The following POPDC1 variants were observed in gnomAD, a reference collection of about 807,000 sequenced individuals.
POPDC1 encodes popeye domain cAMP effector 1, also known as popeye domain-containing protein 1.
the POPDC1 span, chr6:105,133,262 C>T: frequency 4.3e-6 from 5 of 1,154,650 alleles, no homozygotes; most frequent in Non-Finnish European, 6.1e-6. Flanking sequence ...TGCTATGGGC[C>T]TGACAAAGAA....
the POPDC1 span, among the ~76,000 whole-genome samples, chr6:105,134,526 G>T: frequency 6.6e-6 from 1 of 151,986 alleles, no homozygotes; most frequent in Non-Finnish European, 1.5e-5. Flanking sequence ...TCCAAATGGG[G>T]ACCCTAAATA....
At chr6:105,126,659 A>T in the POPDC1 span, among the ~76,000 whole-genome samples, 1 of 152,238 alleles carries the variant, frequency 6.6e-6, no homozygotes, top group South Asian at 2.1e-4. Context: ...CTAACTTTTA[A>T]ATATGGCAGC....
the POPDC1 span, among the ~76,000 whole-genome samples, chr6:105,115,235 T>C: frequency 4.6e-5 from 7 of 152,132 alleles, no homozygotes; most frequent in Non-Finnish European, 8.8e-5. Context: ...TACAGGCGCC[T>C]GCCACCAAGC....
the POPDC1 span, among the ~76,000 whole-genome samples, chr6:105,134,970 C>A: frequency 2.0e-5 from 3 of 152,120 alleles, no homozygotes; most frequent in Non-Finnish European, 2.9e-5. Context: ...ACAAAATTTG[C>A]TTTTCAAGGC....
the POPDC1 span, chr6:105,116,692 A>G: frequency 6.4e-7 from 1 of 1,562,516 alleles, no homozygotes; most frequent in South Asian, 1.2e-5. Context: ...AAACTCAGAG[A>G]ACACTTACTT....
chr6:105,134,007 C>T, the POPDC1 span, among the ~76,000 whole-genome samples: 1 of 151,926 alleles, frequency 6.6e-6, no homozygotes, highest in African/African-American at 2.4e-5. Context: ...GTGACTGAAT[C>T]CAAACACAGG....
the POPDC1 span, among the ~76,000 whole-genome samples, chr6:105,121,984 A>C: frequency 1.3e-5 from 2 of 152,212 alleles, no homozygotes; most frequent in Non-Finnish European, 2.9e-5. Flanking sequence ...GCTGATGATC[A>C]AGCGTCCTCT....
At chr6:105,109,870 G>T in the POPDC1 span, among the ~76,000 whole-genome samples, 1 of 151,524 alleles carries the variant, frequency 6.6e-6, no homozygotes, top group African/African-American at 2.4e-5. Context: ...TTGGGAGCAG[G>T]ACTAAAATTA....
At chr6:105,105,752 T>C in the POPDC1 span, among the ~76,000 whole-genome samples, 2 of 152,104 alleles carry the variant, frequency 1.3e-5, no homozygotes, top group African/African-American at 2.4e-5. Flanking sequence ...TAATTTTACG[T>C]ACTGATAGAT....
chr6:105,107,121 C>T, the POPDC1 span, among the ~76,000 whole-genome samples: 24 of 152,102 alleles, frequency 1.6e-4, no homozygotes, highest in Non-Finnish European at 2.6e-4. Flanking sequence ...TTACCCTTTC[C>T]AGCCTCTGAT....
At chr6:105,106,579 G>A in the POPDC1 span, among the ~76,000 whole-genome samples, 1 of 152,364 alleles carries the variant, frequency 6.6e-6, no homozygotes, top group South Asian at 2.1e-4. Context: ...GGCCAGCAGA[G>A]TCTCTCCTGG....
the POPDC1 span, among the ~76,000 whole-genome samples, chr6:105,134,607 G>A: frequency 6.6e-6 from 1 of 152,066 alleles, no homozygotes; most frequent in Non-Finnish European, 1.5e-5. Flanking sequence ...TCTACTGCTT[G>A]TTCTTAACAT....
the POPDC1 span, among the ~76,000 whole-genome samples, chr6:105,118,655 G>A: frequency 6.6e-6 from 1 of 152,144 alleles, no homozygotes; most frequent in African/African-American, 2.4e-5. Flanking sequence ...GACAACTATA[G>A]AACAGGGGAA....
At chr6:105,114,371 G>A in the POPDC1 span, among the ~76,000 whole-genome samples, 13 of 152,214 alleles carry the variant, frequency 8.5e-5, no homozygotes, top group South Asian at 2.1e-4. Context: ...CCCTAAAAAG[G>A]AAGAAGTAAA....
At chr6:105,128,308 G>A in the POPDC1 span, among the ~76,000 whole-genome samples, 1 of 152,128 alleles carries the variant, frequency 6.6e-6, no homozygotes, top group Admixed American at 6.5e-5. Flanking sequence ...AACAATATAT[G>A]TCCCTTTTGA....
the POPDC1 span, among the ~76,000 whole-genome samples, chr6:105,120,735 T>C: frequency 6.6e-6 from 1 of 152,212 alleles, no homozygotes; most frequent in South Asian, 2.1e-4. Context: ...GGCTCCACCG[T>C]AGGAAACAAA....
the POPDC1 span, among the ~76,000 whole-genome samples, chr6:105,120,810 G>C: frequency 6.6e-6 from 1 of 152,034 alleles, no homozygotes; most frequent in Non-Finnish European, 1.5e-5. Flanking sequence ...AGGACTGGCT[G>C]ACTGTCCTAA....
the POPDC1 span, among the ~76,000 whole-genome samples, chr6:105,107,459 T>C: frequency 6.6e-6 from 1 of 152,178 alleles, no homozygotes; most frequent in Admixed American, 6.5e-5. Context: ...AAATCCAGAG[T>C]GAAGGTCATG....
chr6:105,112,849 T>C, the POPDC1 span, among the ~76,000 whole-genome samples: 1 of 152,080 alleles, frequency 6.6e-6, no homozygotes, highest in East Asian at 1.9e-4. Context: ...AGGTGACCTG[T>C]ATATGGAAAA....
Sources: gnomAD v4.1 joint callset for allele counts (sites outside exome capture counted in the v4.1 genomes callset) on GRCh38, gnomAD v4.1.1 for gene constraint, MANE v1.5 for transcripts, NCBI Gene and HGNC (gene_info 2026-07-23, HGNC 2026-07-21) for gene names.